The following ZFYVE16 variants were observed in gnomAD, a reference collection of about 807,000 sequenced individuals.
The protein encoded by ZFYVE16 is zinc finger FYVE domain-containing protein 16.
Under a neutral mutation model 138.1 loss-of-function variants are expected in ZFYVE16, and 89 were observed. The observed-to-expected ratio is 0.64, with a 90% CI of 0.54 to 0.77. ZFYVE16 has a LOEUF of 0.77. Ranked by LOEUF, ZFYVE16 falls within the 30% of genes least tolerant of loss-of-function variation. The pLI is 0.00. For synonymous variants in ZFYVE16, 596 were observed against 618.3 expected, an observed-to-expected ratio of 0.96 and a Z score of 0.53; for missense variants, 1,793 against 1,786.7, an observed-to-expected ratio of 1.00 and a Z score of -0.06.
chr5:80,457,242 T>A, intron 14 of ZFYVE16, 150 bp downstream of exon 14: 1 of 1,205,284 alleles, frequency 8.3e-7, no homozygotes, highest in Non-Finnish European at 1.1e-6. Flanking sequence ...CAACAGATTT[T>A]AAAATTGCTT....
intron 8 of ZFYVE16, among the ~76,000 whole-genome samples, chr5:80,448,898 TGGCTAACCCCCACC>T (rs1751684091): frequency 6.6e-6 from 1 of 152,106 alleles, no homozygotes; most frequent in Admixed American, 6.6e-5. Context: ...GGAGATTCTA[TGGCTAACCCCCACC>T]CCAGAGTGGT....
At chr5:80,419,963 C>T (rs1324050303) in intron 1 of ZFYVE16, among the ~76,000 whole-genome samples, 2 of 151,602 alleles carry the variant, frequency 1.3e-5, no homozygotes, top group Non-Finnish European at 2.9e-5. Flanking sequence ...AGGTACACTC[C>T]ACCACGCCTG....
intron 5 of ZFYVE16, 70 bp from the exon 6 acceptor site, chr5:80,443,053 A>T: frequency 7.4e-7 from 1 of 1,350,636 alleles, no homozygotes; most frequent in Non-Finnish European, 9.9e-7. Flanking sequence ...TAGAATATTT[A>T]TTGTAATTTA....
At chr5:80,420,385 T>C (rs930020357) in intron 1 of ZFYVE16, among the ~76,000 whole-genome samples, 10 of 152,186 alleles carry the variant, frequency 6.6e-5, no homozygotes, top group African/African-American at 2.2e-4. Context: ...CATGTTGGTG[T>C]GCTGCACCCA....
Position 80,438,631 on chromosome 5 carries a change from C to A in ZFYVE16, c.1946C>A (p.Pro649His). 6.2e-7 allele frequency: 1 copy of A among 1,614,044 alleles called. No individual in the cohort carries two copies. Among genetic ancestry groups the A allele is most frequent in the Non-Finnish European group, 8.5e-7 (1 of 1,179,982 alleles). The stretch of plus-strand genomic sequence containing the variant: ...AGTCAATCTGTTGGAGGGGCCAGAC[C>A]TAAGCAATTGTTTAGCCTTCCATCA... ...INSQSVGGAR[P>H]KQLFSLPSRT... is the part of the protein sequence containing the mutation. The change falls in exon 4 of 19, where the codon CCT becomes CAT. Residue 649 changes from proline to histidine, a missense_variant. By Grantham distance (77) the Pro-to-His change is moderately conservative. This residue lies in a region of ZFYVE16 where 1,295 missense variants were observed against 1,204.3 expected (regional missense o/e 1.08). Transcript: ENST00000505560.
Position 80,438,537 on chromosome 5 carries a change from C to A in ZFYVE16, c.1852C>A (p.Pro618Thr), listed in dbSNP as rs759808362. 1 of 1,613,928 alleles carries A rather than the reference C, an allele frequency of 6.2e-7. No homozygotes were observed. Among genetic ancestry groups the A allele is most frequent in the African/African-American group, 1.3e-5 (1 of 75,000 alleles). The stretch of plus-strand genomic sequence containing the variant: ...TTCTTTAGGAGAAAAAAGCACTATT[C>A]CAGTTCAACAAGGGTTACCTACCAG... The part of the protein sequence containing the change: ...GLSLGEKSTI[P>T]VQQGLPTSKS... Residue 618 changes from proline to threonine, a missense_variant, in exon 4 of 19, where the codon CCA becomes ACA. Physicochemically the swap from Pro to Thr is conservative, Grantham distance 38. This residue lies in a region of ZFYVE16 where 1,295 missense variants were observed against 1,204.3 expected (regional missense o/e 1.08). Transcript: ENST00000505560.
intron 5 of ZFYVE16, chr5:80,441,191 C>T: frequency 1.0e-6 from 1 of 985,326 alleles, no homozygotes; most frequent in African/African-American, 1.7e-5. Flanking sequence ...TAATTATCTC[C>T]CCCACTTAAA....
intron 14 of ZFYVE16, among the ~76,000 whole-genome samples, chr5:80,457,988 T>G (rs919626929): frequency 2.1e-5 from 3 of 142,656 alleles, no homozygotes; most frequent in Non-Finnish European, 4.5e-5. Context: ...ATCGTGCCAC[T>G]GCACTCCCGC....
intron 3 of ZFYVE16, 74 bp from the exon 4 acceptor site, chr5:80,436,682 C>T: frequency 7.5e-7 from 1 of 1,340,350 alleles, no homozygotes; most frequent in Non-Finnish European, 1.0e-6. Flanking sequence ...GTTTAGAAGT[C>T]TTGGGAAACA....
chr5:80,438,834 A>T lies in ZFYVE16; in HGVS notation c.2149A>T (p.Ser717Cys), dbSNP rs773214198. The T allele has an allele frequency of 6.2e-7, 1 of 1,614,094 alleles. No individual in the cohort carries two copies. Among genetic ancestry groups the T allele is most frequent in the South Asian group, 1.1e-5 (1 of 91,082 alleles). ...DIESNSEGGS[S>C]FVTANEDSVP... is the part of the protein sequence containing the mutation. ...AGAAAGTAATTCTGAAGGTGGATCTAGTTTCGTAACTGCAAATGAAGATTC... is the reference window on the plus strand; with the variant it reads ...AGAAAGTAATTCTGAAGGTGGATCTTGTTTCGTAACTGCAAATGAAGATTC... The change falls in exon 4 of 19, where the codon AGT becomes TGT. Residue 717 changes from serine (S) to cysteine (C), a missense_variant. Around this residue, in one of 2 missense-constraint regions of ZFYVE16, gnomAD observed 1,295 missense variants for 1,204.3 expected, o/e 1.08. Transcript: ENST00000505560.
At chr5:80,433,719 G>A (rs1222128251) in intron 2 of ZFYVE16, among the ~76,000 whole-genome samples, 1 of 151,824 alleles carries the variant, frequency 6.6e-6, no homozygotes, top group Non-Finnish European at 1.5e-5. Context: ...AAGCATTTAA[G>A]GCTCTAAGTA....
chr5:80,446,540 G>T (rs1415169466), intron 7 of ZFYVE16, among the ~76,000 whole-genome samples: 2 of 151,932 alleles, frequency 1.3e-5, no homozygotes, highest in African/African-American at 4.8e-5. Flanking sequence ...TCTACATTCT[G>T]TGTGTTTTGA....
At position 80,481,267 on chromosome 5, in the gene ZFYVE16, T is replaced by C. The variant is rs1458720014; in HGVS notation, c.*3890T>C. 6.6e-6 allele frequency among the ~76,000 whole-genome samples: 1 copy of C among 152,140 alleles called. No individual in the cohort carries two copies. The highest frequency in any genetic ancestry group is 1.5e-5 in the Non-Finnish European group (1 of 68,026). On this transcript the variant is annotated 3_prime_UTR_variant, in exon 19 of 19. Coordinates refer to ENST00000505560, the MANE Select transcript of ZFYVE16 (RefSeq NM_001284236.3). Reference sequence around the variant, plus strand: ...AATGGGGAGGCTAACGCCCTGACTTTCTAGCCAAAAACCAAGAATGGGGTT... The same window carrying C: ...AATGGGGAGGCTAACGCCCTGACTTCCTAGCCAAAAACCAAGAATGGGGTT...
chr5:80,471,220 C>T (rs1314055106), intron 15 of ZFYVE16, among the ~76,000 whole-genome samples: 1 of 152,144 alleles, frequency 6.6e-6, no homozygotes, highest in Admixed American at 6.5e-5. Flanking sequence ...TTAAGGCATA[C>T]TCCCTTCTGA....
rs772758788 is a variant in ZFYVE16, at chr5:80,437,787, A to G, written c.1102A>G (p.Ser368Gly). Residue 368 changes from serine (S) to glycine (G), a missense_variant, in exon 4 of 19, where the codon AGT becomes GGT. Ser to Gly is a moderately conservative substitution (Grantham distance 56). Around this residue, in one of 2 missense-constraint regions of ZFYVE16, gnomAD observed 1,295 missense variants for 1,204.3 expected, o/e 1.08. Coordinates refer to ENST00000505560, the MANE Select transcript of ZFYVE16 (RefSeq NM_001284236.3). Reference protein sequence around the residue: ...QDSSSALHVSSKDVPSSLSCL... With the variant: ...QDSSSALHVSGKDVPSSLSCL... ...TTCCTCTTCAGCTTTACATGTTTCC[A>G]GTAAAGATGTGCCGTCCTCATTGTC... 43 of 1,614,000 alleles carry G rather than the reference A, an allele frequency of 2.7e-5. No individual in the cohort carries two copies. The highest frequency in any genetic ancestry group is 3.6e-5 in the Non-Finnish European group (43 of 1,179,990).
At chr5:80,410,256 G>A (rs1346391805) in intron 1 of ZFYVE16, 1 of 151,668 alleles carries the variant, frequency 6.6e-6, no homozygotes, top group Non-Finnish European at 1.5e-5. Flanking sequence ...TCAGGCTATT[G>A]GTACATATTG....
chr5:80,478,018 A>T lies in ZFYVE16; in HGVS notation c.*641A>T, dbSNP rs1266321365. ...TCCACATATATAGTTTTCCCTGATT[A>T]AATGGATATTAAAATAATTGCGGGT... On this transcript the variant is annotated 3_prime_UTR_variant, in exon 19 of 19. Transcript: ENST00000505560. 1.3e-5 allele frequency: 2 copies of T among 152,270 alleles called. No homozygotes were observed. The highest frequency in any genetic ancestry group is 4.8e-5 in the African/African-American group (2 of 41,586). The allele number at this position is 152,270 out of a possible 1,614,324, so 9.4% of individuals were successfully genotyped here.
chr5:80,458,935 T>A (rs1313006971), intron 14 of ZFYVE16, among the ~76,000 whole-genome samples: 1 of 152,234 alleles, frequency 6.6e-6, no homozygotes, highest in African/African-American at 2.4e-5. Flanking sequence ...AATTATTTTA[T>A]TATTTACTTA....
Position 80,438,257 on chromosome 5 carries a change from T to C in ZFYVE16, c.1572T>C (p.Ser524=). 1 of 1,614,042 alleles carries C rather than the reference T, an allele frequency of 6.2e-7. No homozygotes were observed. Among genetic ancestry groups the C allele is most frequent in the East Asian group, 2.2e-5 (1 of 44,856 alleles). Reference sequence around the variant, plus strand: ...TTAATATTGATGAAGGCGCAAAAAGTGGCCCACTAATTAGTGATGCTGAAC... The same window carrying C: ...TTAATATTGATGAAGGCGCAAAAAGCGGCCCACTAATTAGTGATGCTGAAC... ...DYFNIDEGAK[S]GPLISDAELD... is the part of the protein sequence containing the mutation. The change falls in exon 4 of 19, where the codon AGT becomes AGC. Residue 524 remains serine, a synonymous_variant. Coordinates refer to ENST00000505560, the MANE Select transcript of ZFYVE16 (RefSeq NM_001284236.3).
Sources: allele counts gnomAD v4.1 joint callset (sites outside exome capture counted in the v4.1 genomes callset), GRCh38; gene constraint gnomAD v4.1.1; regional missense constraint gnomAD v4.1.1; transcripts MANE v1.5; gene names NCBI Gene and HGNC (gene_info 2026-07-23, HGNC 2026-07-21).